DDB1: variants seen among roughly 807,000 people sequenced by gnomAD.
DDB1 encodes the protein damage specific DNA binding protein 1.
DDB1 carries 18 observed loss-of-function variants against 133.1 expected under a neutral mutation model. That is an observed-to-expected ratio of 0.14 (90% CI 0.09 to 0.20). The LOEUF is 0.20. DDB1 is among the 10% of genes least tolerant of loss of function. The pLI is 1.00. For synonymous variants in DDB1, 580 were observed against 550.5 expected, an observed-to-expected ratio of 1.05 and a Z score of -0.75; for missense variants, 828 against 1,459.2, an observed-to-expected ratio of 0.57 and a Z score of 7.05.
chr11:61,333,007 C>A lies in DDB1; in HGVS notation c.-39G>T, dbSNP rs1036307569. 4 of 1,470,894 alleles carry A rather than the reference C, an allele frequency of 2.7e-6. No individual in the cohort carries two copies. In the African/African-American group the frequency reaches 5.9e-5, roughly 22 times the overall value. The allele number at this position is 1,470,894 out of a possible 1,614,324, so 91.1% of individuals were successfully genotyped here. On this transcript the variant is annotated 5_prime_UTR_variant, in exon 1 of 27. Coordinates refer to ENST00000301764, the MANE Select transcript of DDB1 (RefSeq NM_001923.5). ...GCGGCCCGTCGGGACTCGAGCGCGA[C>A]ACTAGAAAGAGGGACACAAGCGAAA... is the stretch of plus-strand genomic sequence containing the variant.
intron 4 of DDB1, 69 bp downstream of exon 4, chr11:61,329,294 C>T (rs769981504): frequency 1.8e-5 from 26 of 1,414,470 alleles, no homozygotes; most frequent in Non-Finnish European, 2.2e-5. Context: ...CCCAGACATG[C>T]CAGTTAGCAA....
rs748501539 is a variant in DDB1 at position 61,321,581 on chromosome 11, A to C, written c.1225+14T>G. Reference sequence around the variant, plus strand: ...CATGTAAGATCTACATCCTATGCCCACCAAAAAAGCTACCTTTGATGCCTG... The same window carrying C: ...CATGTAAGATCTACATCCTATGCCCCCCAAAAAAGCTACCTTTGATGCCTG... On this transcript the variant is annotated intron_variant, in intron 10 of 26. Transcript: ENST00000301764. The C allele has an allele frequency of 1.9e-6, 3 of 1,613,568 alleles. No homozygotes were observed. In the African/African-American group the frequency reaches 4.0e-5, roughly 22 times the overall value.
At chr11:61,322,180 T>C (rs767770414) in intron 9 of DDB1, 116 bp downstream of exon 9, 3 of 823,086 alleles carry the variant, frequency 3.6e-6, no homozygotes, top group Non-Finnish European at 6.1e-6. Flanking sequence ...CTGGGATTCA[T>C]GAGGGGGCTC....
intron 10 of DDB1, among the ~76,000 whole-genome samples, chr11:61,317,728 G>A (rs972372633): frequency 3.9e-5 from 6 of 152,112 alleles, no homozygotes; most frequent in South Asian, 2.1e-4. Context: ...GGATGGTCTC[G>A]ATCTCCTGAC....
At chr11:61,318,614 G>C (rs1856127552) in intron 10 of DDB1, among the ~76,000 whole-genome samples, 1 of 152,134 alleles carries the variant, frequency 6.6e-6, no homozygotes, top group African/African-American at 2.4e-5. Flanking sequence ...TGGGCCTTTT[G>C]TCTATAAGAT....
At chr11:61,319,352 G>A (rs1398450812) in intron 10 of DDB1, among the ~76,000 whole-genome samples, 1 of 152,080 alleles carries the variant, frequency 6.6e-6, no homozygotes, top group African/African-American at 2.4e-5. Flanking sequence ...CTATTCATCA[G>A]CAATACTACA....
chr11:61,330,713 G>T (rs890903256), intron 2 of DDB1, among the ~76,000 whole-genome samples: 29 of 151,452 alleles, frequency 1.9e-4, no homozygotes, highest in African/African-American at 7.0e-4. Context: ...ACCGGGCAAT[G>T]GGCGCCATCT....
Position 61,326,847 on chromosome 11 carries a change from T to G in DDB1, c.596A>C (p.Glu199Ala). The change falls in exon 5 of 27, where the codon GAA becomes GCA. Residue 199 changes from glutamate to alanine, a missense_variant. By Grantham distance (107) the Glu-to-Ala change is moderately radical. This residue lies in a region of DDB1 where 210 missense variants were observed against 344.8 expected (regional missense o/e 0.61). Transcript: ENST00000301764. Reference sequence around the variant, plus strand: ...CCAAGGGCCCTTATTGAATTCCTTTTCTCGGAGAGACACCTCATAGGTTTT... The same window carrying G: ...CCAAGGGCCCTTATTGAATTCCTTTGCTCGGAGAGACACCTCATAGGTTTT... The part of the protein sequence containing the change: ...HVKTYEVSLR[E>A]KEFNKGPWKQ... 6.2e-7 allele frequency: 1 copy of G among 1,614,120 alleles called. No homozygotes were observed. The highest frequency in any genetic ancestry group is 8.5e-7 in the Non-Finnish European group (1 of 1,180,014).
Position 61,314,472 on chromosome 11 carries a change from C to CTA in DDB1, c.1424_1425insTA (p.Val476ArgfsTer2). On this transcript the variant is annotated frameshift_variant, in exon 13 of 27. Transcript: ENST00000301764. LOFTEE classifies it high-confidence loss of function. Reference sequence around the variant, plus strand: ...TGGGTTCTTGAGAGACCAACCTCACCGATGCTGAAGTGATCTAGATAAACA... The same window carrying CTA: ...TGGGTTCTTGAGAGACCAACCTCACCTAGATGCTGAAGTGATCTAGATAAACA... The CTA allele has an allele frequency of 6.2e-7, 1 of 1,612,564 alleles. No homozygotes were observed. The highest frequency in any genetic ancestry group is 8.5e-7 in the Non-Finnish European group (1 of 1,179,436).
chr11:61,332,720 C>A, intron 1 of DDB1, 188 bp downstream of exon 1: 1 of 463,796 alleles, frequency 2.2e-6, no homozygotes, highest in South Asian at 4.7e-5. Flanking sequence ...CGGCTTCCAA[C>A]CCCCAAAAAG....
chr11:61,311,294 AACATAACATAACATAACATAACATAAC>A (rs1261179185), intron 18 of DDB1: 17 of 150,630 alleles, frequency 1.1e-4, no homozygotes, highest in African/African-American at 4.4e-4. Context: ...AACATAACAT[AACATAACATAACATAACATAACATAAC>A]ACATAACATA....
intron 2 of DDB1, among the ~76,000 whole-genome samples, chr11:61,331,019 T>C (rs1039214050): frequency 6.6e-6 from 1 of 152,202 alleles, no homozygotes; most frequent in Non-Finnish European, 1.5e-5. Context: ...CTGAATCATT[T>C]CATCGTCACA....
chr11:61,321,777 G>C (rs562284551), intron 9 of DDB1, 80 bp from the exon 10 acceptor site: 3 of 1,244,048 alleles, frequency 2.4e-6, no homozygotes, highest in Non-Finnish European at 3.5e-6. Context: ...AGTAAACACG[G>C]TATACCTAAA....
At chr11:61,323,888 T>C (rs1856225590) in intron 7 of DDB1, 91 bp downstream of exon 7, 1 of 1,437,278 alleles carries the variant, frequency 7.0e-7, no homozygotes, top group East Asian at 2.3e-5. Flanking sequence ...TTAAGTAACA[T>C]AATTCCCAGA....
At chr11:61,312,159 G>A in intron 16 of DDB1, 75 bp from the exon 17 acceptor site, 1 of 1,338,346 alleles carries the variant, frequency 7.5e-7, no homozygotes, top group South Asian at 1.2e-5. Context: ...CTCCACAGAG[G>A]AAGAAAAACA....
rs369435379 is a variant in DDB1, at chr11:61,316,995, A to G, written c.1226-428T>C. On this transcript the variant is annotated intron_variant, in intron 10 of 26. Coordinates refer to ENST00000301764, the MANE Select transcript of DDB1 (RefSeq NM_001923.5). ...TATATATATATATATATATATATAT[A>G]TATAGACATGGCAGCCTGACACCAC... Among the ~76,000 whole-genome samples, 137 of 94,110 alleles carry G rather than the reference A, an allele frequency of 1.5e-3. 3 individuals are homozygous for G. Among genetic ancestry groups the G allele is most frequent in the Non-Finnish European group, 2.6e-3 (106 of 41,134 alleles). The allele number at this position is 94,110 out of a possible 152,430, so 61.7% of individuals were successfully genotyped here. A position where few individuals can be genotyped will look rare whatever the true frequency, so the allele number is the denominator to read the frequency against.
At chr11:61,317,961 G>A (rs569064526) in intron 10 of DDB1, among the ~76,000 whole-genome samples, 3 of 152,050 alleles carry the variant, frequency 2.0e-5, no homozygotes, top group South Asian at 4.2e-4. Flanking sequence ...GTCTGGCCTC[G>A]ATCTCCTGGG....
Sources: allele counts gnomAD v4.1 joint callset (sites outside exome capture counted in the v4.1 genomes callset), GRCh38; gene constraint gnomAD v4.1.1; regional missense constraint gnomAD v4.1.1; transcripts MANE v1.5; gene names NCBI Gene and HGNC (gene_info 2026-07-23, HGNC 2026-07-21).